FHOD3: variants seen among roughly 807,000 people sequenced by gnomAD.
FHOD3 encodes formin homology 2 domain containing 3, also known as FH1/FH2 domain-containing protein 3.
FHOD3 carries 90 observed loss-of-function variants against 173.0 expected under a neutral mutation model. That is an observed-to-expected ratio of 0.52 (90% CI 0.44 to 0.62). The LOEUF is 0.62. Ranked by LOEUF, FHOD3 falls within the 20% of genes least tolerant of loss-of-function variation. FHOD3 has a pLI of 0.00. For missense variants in FHOD3, 1,945 were observed against 2,034.7 expected (o/e 0.96, Z 0.85); for synonymous variants, 828 against 823.0 (o/e 1.01, Z -0.10).
At chr18:36,511,028 CA>C (rs1403559862) in intron 4 of FHOD3, among the ~76,000 whole-genome samples, 1 of 152,202 alleles carries the variant, frequency 6.6e-6, no homozygotes, top group African/African-American at 2.4e-5. Context: ...CATGTAGGAA[CA>C]GGAGAATTAT....
chr18:36,309,261 C>T (rs796377762), intron 1 of FHOD3, among the ~76,000 whole-genome samples: 11 of 152,154 alleles, frequency 7.2e-5, no homozygotes, highest in African/African-American at 2.2e-4. Flanking sequence ...CATGCTGAGC[C>T]GAGGGGAAGA....
chr18:36,510,579 GAAGTCATGT>G (rs1194875077), intron 4 of FHOD3, among the ~76,000 whole-genome samples: 5 of 152,152 alleles, frequency 3.3e-5, no homozygotes, highest in African/African-American at 1.2e-4. Context: ...TTTTCACCAT[GAAGTCATGT>G]GTGAATCTAG....
intron 20 of FHOD3, among the ~76,000 whole-genome samples, chr18:36,733,686 G>A: frequency 6.6e-6 from 1 of 152,222 alleles, no homozygotes; most frequent in Non-Finnish European, 1.5e-5. Context: ...GATCCAGGAA[G>A]GAATAATTAC....
intron 14 of FHOD3, among the ~76,000 whole-genome samples, chr18:36,679,245 C>A (rs1286995435): frequency 6.6e-6 from 1 of 152,000 alleles, no homozygotes; most frequent in Non-Finnish European, 1.5e-5. Flanking sequence ...GTCACTATAT[C>A]TATAATTGTA....
At chr18:36,536,824 C>T in intron 5 of FHOD3, among the ~76,000 whole-genome samples, 1 of 152,170 alleles carries the variant, frequency 6.6e-6, no homozygotes, top group Admixed American at 6.5e-5. Flanking sequence ...CATTCCTTGC[C>T]CCAATACAAA....
At chr18:36,709,551 C>T in intron 18 of FHOD3, 160 bp downstream of exon 18, 1 of 763,722 alleles carries the variant, frequency 1.3e-6, no homozygotes, top group Non-Finnish European at 2.1e-6. Context: ...GGAGTGTGGC[C>T]ACGCTGGCAG....
chr18:36,738,295 A>G (rs1045159848), intron 20 of FHOD3, among the ~76,000 whole-genome samples: 2 of 152,260 alleles, frequency 1.3e-5, no homozygotes, highest in African/African-American at 2.4e-5. Flanking sequence ...ATATTCATGT[A>G]CAAGTGTTTG....
chr18:36,653,150 G>A (rs954739784), intron 12 of FHOD3, among the ~76,000 whole-genome samples, 192 bp from the exon 13 acceptor site: 1 of 152,164 alleles, frequency 6.6e-6, no homozygotes, highest in African/African-American at 2.4e-5. Flanking sequence ...GAATTAAGGG[G>A]ATCATTTGTT....
At position 36,576,622 on chromosome 18, in the gene FHOD3, G is replaced by A. The variant is rs536840613; in HGVS notation, c.606+77G>A. ...TTTCTTTTTTCTCTGAGTCAGTTTT[G>A]CAGAAAGAAATTTTATTCAGCTTTT... On this transcript the variant is annotated intron_variant, in intron 6 of 28. Coordinates refer to ENST00000590592, the MANE Select transcript of FHOD3 (RefSeq NM_001281740.3). The A allele has an allele frequency of 5.2e-5, 60 of 1,158,596 alleles. No homozygotes were observed. In the African/African-American group the frequency reaches 8.3e-4, roughly 16 times the overall value. The allele number at this position is 1,158,596 out of a possible 1,614,324, so 71.8% of individuals were successfully genotyped here.
At chr18:36,315,729 C>T (rs1343808601) in intron 1 of FHOD3, among the ~76,000 whole-genome samples, 3 of 152,192 alleles carry the variant, frequency 2.0e-5, no homozygotes, top group African/African-American at 7.2e-5. Context: ...CTGCCTTGCA[C>T]CAGGCTGGGG....
intron 5 of FHOD3, among the ~76,000 whole-genome samples, chr18:36,543,300 A>G (rs1239185323): frequency 6.6e-6 from 1 of 152,132 alleles, no homozygotes; most frequent in African/African-American, 2.4e-5. Context: ...ATATGTAAGT[A>G]TATATTTTAT....
chr18:36,641,641 TC>T (rs1466614097), intron 10 of FHOD3, among the ~76,000 whole-genome samples: 14 of 152,154 alleles, frequency 9.2e-5, no homozygotes, highest in Admixed American at 5.2e-4. Context: ...CACCCCAGCA[TC>T]TTTGCACATA....
chr18:36,764,975 C>T (rs1321170179), intron 27 of FHOD3, among the ~76,000 whole-genome samples: 1 of 152,090 alleles, frequency 6.6e-6, no homozygotes, highest in Non-Finnish European at 1.5e-5. Context: ...GAGGATTGGG[C>T]TTATGGTAGT....
At chr18:36,470,921 G>T (rs2053246456) in intron 3 of FHOD3, among the ~76,000 whole-genome samples, 1 of 152,176 alleles carries the variant, frequency 6.6e-6, no homozygotes, top group Admixed American at 6.5e-5. Flanking sequence ...TGCCTTCCGT[G>T]GGGTCTTTGC....
At chr18:36,510,704 A>T (rs191652557) in intron 4 of FHOD3, among the ~76,000 whole-genome samples, 1 of 152,358 alleles carries the variant, frequency 6.6e-6, no homozygotes, top group Non-Finnish European at 1.5e-5. Flanking sequence ...GGAAAAGGAT[A>T]TGGAGGGAGA....
At chr18:36,399,118 A>G (rs537196147) in intron 3 of FHOD3, among the ~76,000 whole-genome samples, 1 of 152,282 alleles carries the variant, frequency 6.6e-6, no homozygotes, top group East Asian at 1.9e-4. Context: ...CCTTCCAGGA[A>G]GGGGACACTG....
At chr18:36,347,220 T>C (rs1460173096) in intron 1 of FHOD3, among the ~76,000 whole-genome samples, 2 of 152,246 alleles carry the variant, frequency 1.3e-5, no homozygotes, top group African/African-American at 4.8e-5. Context: ...AAGGTGCCTA[T>C]AGACATAAGT....
intron 3 of FHOD3, among the ~76,000 whole-genome samples, chr18:36,454,421 AC>A (rs1448830336): frequency 6.6e-6 from 1 of 152,094 alleles, no homozygotes; most frequent in Non-Finnish European, 1.5e-5. Flanking sequence ...CCCTTCCCTT[AC>A]CCTCTCAATA....
intron 15 of FHOD3, among the ~76,000 whole-genome samples, chr18:36,686,828 T>A (rs909433153): frequency 3.0e-4 from 45 of 152,328 alleles, no homozygotes; most frequent in Admixed American, 1.2e-3. Context: ...ATGGATTTTT[T>A]AAAAACTTCT....
Sources: gnomAD v4.1 joint callset for allele counts (sites outside exome capture counted in the v4.1 genomes callset) on GRCh38, gnomAD v4.1.1 for gene constraint, MANE v1.5 for transcripts, NCBI Gene and HGNC (gene_info 2026-07-23, HGNC 2026-07-21) for gene names.